ARHGEF28: variants seen among roughly 807,000 people sequenced by gnomAD.
ARHGEF28 encodes 190 kDa guanine nucleotide exchange factor.
Under a neutral mutation model 206.6 loss-of-function variants are expected in ARHGEF28, and 152 were observed. That is an observed-to-expected ratio of 0.74 (90% confidence interval 0.64 to 0.84). ARHGEF28 has a LOEUF of 0.84. Ranked by LOEUF, ARHGEF28 falls within the 40% of genes least tolerant of loss-of-function variation. ARHGEF28 has a pLI of 0.00. For synonymous variants in ARHGEF28, 763 were observed against 776.4 expected, an observed-to-expected ratio of 0.98 and a Z score of 0.29; for missense variants, 2,028 against 2,073.2, an observed-to-expected ratio of 0.98 and a Z score of 0.42.
chr5:73,679,866 A>C (rs977266789), intron 1 of ARHGEF28, among the ~76,000 whole-genome samples: 1 of 152,216 alleles, frequency 6.6e-6, no homozygotes, highest in Non-Finnish European at 1.5e-5. Context: ...AATGTAGTAT[A>C]GATTTTTATG....
chr5:73,766,093 A>G (rs2112432339), intron 4 of ARHGEF28, among the ~76,000 whole-genome samples: 1 of 151,512 alleles, frequency 6.6e-6, no homozygotes, highest in East Asian at 2.0e-4. Flanking sequence ...TGGAGCTTGC[A>G]GTGAGCTGAG....
intron 2 of ARHGEF28, among the ~76,000 whole-genome samples, chr5:73,701,825 G>A (rs144611889): frequency 2.0e-5 from 3 of 152,262 alleles, no homozygotes; most frequent in Non-Finnish European, 4.4e-5. Context: ...CATATTCCAT[G>A]ATATAGGTGT....
intron 4 of ARHGEF28, among the ~76,000 whole-genome samples, 159 bp downstream of exon 4, chr5:73,753,361 A>G (rs545913108): frequency 6.6e-6 from 1 of 152,302 alleles, no homozygotes; most frequent in East Asian, 1.9e-4. Context: ...TGAGCCACTC[A>G]TCTCTGGGCT....
chr5:73,883,380 A>C (rs1052909937), intron 23 of ARHGEF28, among the ~76,000 whole-genome samples: 2 of 152,184 alleles, frequency 1.3e-5, no homozygotes, highest in Non-Finnish European at 2.9e-5. Flanking sequence ...AGTTATAATG[A>C]ATAATAACAA....
chr5:73,825,955 T>C (rs757143160), intron 9 of ARHGEF28, among the ~76,000 whole-genome samples: 11 of 152,200 alleles, frequency 7.2e-5, no homozygotes, highest in Non-Finnish European at 1.3e-4. Context: ...CATCATATGA[T>C]GGTGTGTGAT....
At chr5:73,722,896 A>G (rs939278604) in intron 2 of ARHGEF28, among the ~76,000 whole-genome samples, 2 of 152,198 alleles carry the variant, frequency 1.3e-5, no homozygotes, top group African/African-American at 4.8e-5. Context: ...GTAGTTTTTT[A>G]TGTTTTAATT....
At chr5:73,717,091 T>G (rs1749628241) in intron 2 of ARHGEF28, among the ~76,000 whole-genome samples, 1 of 152,176 alleles carries the variant, frequency 6.6e-6, no homozygotes, top group South Asian at 2.1e-4. Flanking sequence ...TTTAGAATCC[T>G]GAAAAATCCA....
At chr5:73,673,825 A>G (rs1746493064) in intron 1 of ARHGEF28, among the ~76,000 whole-genome samples, 2 of 152,156 alleles carry the variant, frequency 1.3e-5, no homozygotes, top group South Asian at 4.1e-4. Flanking sequence ...ATTCTACTTG[A>G]CAGACGAGGA....
chr5:73,898,449 T>G (rs1762085228), intron 30 of ARHGEF28: 2 of 166,544 alleles, frequency 1.2e-5, no homozygotes, highest in Non-Finnish European at 1.3e-5. Flanking sequence ...AAAAAAGGAG[T>G]CCCTGCGGTC....
intron 1 of ARHGEF28, among the ~76,000 whole-genome samples, chr5:73,680,432 C>G: frequency 1.8e-5 from 1 of 55,954 alleles, no homozygotes; most frequent in Non-Finnish European, 2.9e-5. Flanking sequence ...AAGACTCCAT[C>G]TCAAAAAAAA....
At chr5:73,652,777 T>A (rs1170397661) in intron 1 of ARHGEF28, among the ~76,000 whole-genome samples, 1 of 152,200 alleles carries the variant, frequency 6.6e-6, no homozygotes, top group Non-Finnish European at 1.5e-5. Context: ...GAGTGGCCAA[T>A]GATTATTATC....
At chr5:73,840,807 T>C (rs1163043036) in intron 11 of ARHGEF28, 47 bp downstream of exon 11, 2 of 1,522,024 alleles carry the variant, frequency 1.3e-6, no homozygotes, top group East Asian at 4.7e-5. Flanking sequence ...TCAAAGAACC[T>C]TATAGGTAGA....
At chr5:73,626,852 C>T (rs1561294335) in intron 1 of ARHGEF28, among the ~76,000 whole-genome samples, 1 of 152,206 alleles carries the variant, frequency 6.6e-6, no homozygotes, top group East Asian at 1.9e-4. Flanking sequence ...TTTATGGTTA[C>T]CTTGGTTGGG....
intron 2 of ARHGEF28, among the ~76,000 whole-genome samples, chr5:73,730,608 G>A (rs913847944): frequency 1.4e-5 from 2 of 143,878 alleles, no homozygotes; most frequent in Non-Finnish European, 3.0e-5. Context: ...ATCACAGCTC[G>A]CTGCAGCCTC....
intron 7 of ARHGEF28, among the ~76,000 whole-genome samples, chr5:73,785,346 G>A (rs965515384): frequency 8.5e-5 from 13 of 152,072 alleles, no homozygotes; most frequent in African/African-American, 3.1e-4. Context: ...CATAGAAACC[G>A]TCTGTGAAAG....
chr5:73,650,166 C>T (rs1305692015), intron 1 of ARHGEF28, among the ~76,000 whole-genome samples: 5 of 151,798 alleles, frequency 3.3e-5, no homozygotes, highest in African/African-American at 1.2e-4. Context: ...TAAAGTGGCT[C>T]ATGTAAGCTG....
intron 2 of ARHGEF28, among the ~76,000 whole-genome samples, chr5:73,699,518 A>G (rs1047500706): frequency 9.9e-5 from 15 of 152,168 alleles, no homozygotes; most frequent in Admixed American, 5.2e-4. Flanking sequence ...AAAGTTGCCA[A>G]AGACTTTTGT....
intron 9 of ARHGEF28, among the ~76,000 whole-genome samples, chr5:73,807,722 G>A (rs1323406355): frequency 6.6e-6 from 1 of 151,864 alleles, no homozygotes; most frequent in African/African-American, 2.4e-5. Flanking sequence ...CTGACCTCAG[G>A]CAATCCACCC....
In ARHGEF28 at chr5:73,904,278, C is replaced by T. The variant is rs1370583574; in HGVS notation, c.4113+18C>T. 1.9e-6 allele frequency: 3 copies of T among 1,613,714 alleles called. No homozygotes were observed. Among genetic ancestry groups the T allele is most frequent in the South Asian group, 2.2e-5 (2 of 91,068 alleles). On this transcript the variant is annotated intron_variant, in intron 32 of 35. Transcript: ENST00000513042. ...AATCAGAGGTGAGCTGCTGCACATA[C>T]CTTAAATGTATCACCAGCCTTTATT...
Sources: gnomAD v4.1 joint callset for allele counts (sites outside exome capture counted in the v4.1 genomes callset) on GRCh38, gnomAD v4.1.1 for gene constraint, MANE v1.5 for transcripts, NCBI Gene and HGNC (gene_info 2026-07-23, HGNC 2026-07-21) for gene names.